Variants in HPSE2 observed in about 807,000 individuals in gnomAD.
HPSE2 encodes the protein inactive heparanase-2.
A neutral mutation model predicts 60.5 loss-of-function variants in HPSE2; 38 were observed. That is an observed-to-expected ratio of 0.63 (90% confidence interval 0.48 to 0.82). The LOEUF (loss-of-function observed/expected upper bound fraction) is 0.82, where lower values mean the gene tolerates loss of function less well. Among genes scored for constraint, HPSE2 ranks in the 40% least tolerant of loss-of-function variants. The pLI, the probability that HPSE2 is intolerant of heterozygous loss-of-function variation, is 0.00. For missense variants in HPSE2, 713 were observed against 740.4 expected (o/e 0.96, Z 0.43); for synonymous variants, 295 against 293.2 (o/e 1.01, Z -0.06).
rs1849810352 is a variant in HPSE2 at position 99,235,537 on chromosome 10, T to G, written c.266A>C (p.His89Pro). Residue 89 changes from histidine (H) to proline (P), a missense_variant, in exon 1 of 12, where the codon CAT becomes CCT. His to Pro is a moderately conservative substitution (Grantham distance 77, BLOSUM62 -2). Coordinates refer to ENST00000370552, the MANE Select transcript of HPSE2 (RefSeq NM_021828.5). ...LSLQLDPSII[H>P]DGWLDFLSSK... is the part of the protein sequence containing the mutation. ...CCTTAGGAAATCGAGCCAGCCATCA[T>G]GAATGATGGACGGATCCAGCTGCAG... 6.2e-7 allele frequency: 1 copy of G among 1,614,024 alleles called. No individual in the cohort carries two copies. The highest frequency in any genetic ancestry group is 1.3e-5 in the African/African-American group (1 of 74,914).
chr10:98,780,877 G>A (rs754142222), intron 3 of HPSE2, among the ~76,000 whole-genome samples: 1 of 152,084 alleles, frequency 6.6e-6, no homozygotes, highest in African/African-American at 2.4e-5. Context: ...CTCTTCCTGG[G>A]CAGACAAAAG....
intron 10 of HPSE2, among the ~76,000 whole-genome samples, chr10:98,484,276 C>T (rs749992526): frequency 5.3e-5 from 8 of 151,262 alleles, no homozygotes; most frequent in African/African-American, 1.5e-4. Context: ...TTTTCTCTGT[C>T]GCCCAGGCTG....
intron 9 of HPSE2, among the ~76,000 whole-genome samples, chr10:98,607,812 T>C (rs962948564): frequency 2.0e-5 from 3 of 152,174 alleles, no homozygotes; most frequent in African/African-American, 7.2e-5. Context: ...ATCAAATGTA[T>C]ATTAGGTATC....
intron 3 of HPSE2, among the ~76,000 whole-genome samples, chr10:99,102,971 T>C (rs1354366114): frequency 9.2e-5 from 14 of 152,194 alleles, no homozygotes; most frequent in African/African-American, 3.1e-4. Context: ...TAGGTACTGA[T>C]GGGACGTATC....
chr10:98,686,880 T>C (rs1947930588), intron 6 of HPSE2, among the ~76,000 whole-genome samples: 1 of 152,166 alleles, frequency 6.6e-6, no homozygotes, highest in South Asian at 2.1e-4. Context: ...TATGTACACT[T>C]GAAAAAAATG....
At chr10:99,006,883 T>G (rs981431007) in intron 3 of HPSE2, among the ~76,000 whole-genome samples, 1 of 152,062 alleles carries the variant, frequency 6.6e-6, no homozygotes, top group Non-Finnish European at 1.5e-5. Flanking sequence ...TTCTGTTTTG[T>G]GCCAGGGTGG....
intron 3 of HPSE2, among the ~76,000 whole-genome samples, chr10:99,132,146 G>GAAGAAGAAAGAAAGAAAGAAAGAAAGA (rs1564832315): frequency 1.1e-4 from 3 of 28,548 alleles, no homozygotes; most frequent in South Asian, 1.9e-3. Context: ...AGAAAGAAAG[G>GAAGAAGAAAGAAAGAAAGAAAGAAAGA]AAGAAAGAAA....
intron 9 of HPSE2, among the ~76,000 whole-genome samples, chr10:98,589,014 T>C (rs1945014577): frequency 6.6e-6 from 1 of 152,164 alleles, no homozygotes; most frequent in African/African-American, 2.4e-5. Context: ...AGTTAGGGGC[T>C]CAAGAGTGAT....
chr10:99,052,218 G>A (rs1452547858), intron 3 of HPSE2, among the ~76,000 whole-genome samples: 2 of 151,540 alleles, frequency 1.3e-5, no homozygotes, highest in Non-Finnish European at 1.5e-5. Flanking sequence ...GAAAATCTAA[G>A]TAAAAAAGAT....
chr10:99,306,145 G>A, the HPSE2 span, among the ~76,000 whole-genome samples: 20 of 152,142 alleles, frequency 1.3e-4, no homozygotes, highest in African/African-American at 4.8e-4. Context: ...CATGTATTTA[G>A]AATTCCAGAA....
At position 98,819,438 on chromosome 10, in the gene HPSE2, T is replaced by TTTTA. The variant is rs1555006528; in HGVS notation, c.611-75383_611-75382insTAAA. The stretch of plus-strand genomic sequence containing the variant: ...CAATCATTCTTTTTTTTTTTTTTTT[T>TTTTA]AACCAGTTCTCTTGGCCCCAGTTCA... On this transcript the variant is annotated intron_variant, in intron 3 of 11. Coordinates refer to ENST00000370552, the MANE Select transcript of HPSE2 (RefSeq NM_021828.5). 2.5e-3 allele frequency among the ~76,000 whole-genome samples: 385 copies of TTTTA among 151,560 alleles called. 3 individuals are homozygous for TTTTA. The highest frequency in any genetic ancestry group is 8.9e-3 in the African/African-American group (367 of 41,350).
At chr10:99,027,943 A>C (rs1023522907) in intron 3 of HPSE2, among the ~76,000 whole-genome samples, 3 of 152,190 alleles carry the variant, frequency 2.0e-5, no homozygotes, top group Admixed American at 1.3e-4. Context: ...AAATTAATTG[A>C]AAATTTACCA....
chr10:98,856,545 G>C (rs568952722), intron 3 of HPSE2, among the ~76,000 whole-genome samples: 2 of 152,074 alleles, frequency 1.3e-5, no homozygotes, highest in Non-Finnish European at 2.9e-5. Context: ...AGATTTATTA[G>C]GGACCATGCA....
the HPSE2 span, among the ~76,000 whole-genome samples, chr10:99,257,597 A>T: frequency 6.6e-6 from 1 of 152,194 alleles, no homozygotes; most frequent in Non-Finnish European, 1.5e-5. Context: ...TCTCCTGATA[A>T]GATGTTATCA....
chr10:99,048,333 G>T, intron 3 of HPSE2: 1 of 373,124 alleles, frequency 2.7e-6, no homozygotes, highest in South Asian at 2.5e-5. Context: ...TTTCTAAGCT[G>T]GTCAGTTAAT....
chr10:98,907,339 C>G (rs958167661), intron 3 of HPSE2, among the ~76,000 whole-genome samples: 1 of 151,980 alleles, frequency 6.6e-6, no homozygotes, highest in Admixed American at 6.6e-5. Flanking sequence ...AAGTATGCCT[C>G]CATGTACGTT....
the HPSE2 span, among the ~76,000 whole-genome samples, chr10:99,268,052 A>G: frequency 6.6e-6 from 1 of 152,200 alleles, no homozygotes; most frequent in Non-Finnish European, 1.5e-5. Context: ...CTCTGAGGCA[A>G]GAGTACCAGG....
At chr10:98,651,329 T>C (rs1589573450) in intron 6 of HPSE2, among the ~76,000 whole-genome samples, 1 of 152,202 alleles carries the variant, frequency 6.6e-6, no homozygotes. Flanking sequence ...GTCAGTTCTA[T>C]ATGATGCAAA....
chr10:99,134,886 C>T (rs1291253282), intron 3 of HPSE2, among the ~76,000 whole-genome samples: 1 of 152,046 alleles, frequency 6.6e-6, no homozygotes, highest in Non-Finnish European at 1.5e-5. Context: ...TAAATGTAAA[C>T]AGACTAAATG....
Sources: allele counts gnomAD v4.1 joint callset (sites outside exome capture counted in the v4.1 genomes callset), GRCh38; gene constraint gnomAD v4.1.1; transcripts MANE v1.5; gene names NCBI Gene and HGNC (gene_info 2026-07-23, HGNC 2026-07-21).